Variants in ANKRD17 observed in about 807,000 individuals in gnomAD.
ANKRD17 encodes the protein ankyrin repeat domain-containing protein 17.
A neutral mutation model predicts 229.7 loss-of-function variants in ANKRD17; 19 were observed. The observed-to-expected ratio is 0.08, with a 90% CI of 0.06 to 0.12. ANKRD17 has a LOEUF of 0.12. Ranked by LOEUF, ANKRD17 falls within the 10% of genes least tolerant of loss-of-function variation. The pLI is 1.00. For synonymous variants in ANKRD17, 1,112 were observed against 1,146.1 expected, an observed-to-expected ratio of 0.97 and a Z score of 0.60; for missense variants, 2,176 against 3,176.8, an observed-to-expected ratio of 0.68 and a Z score of 7.57.
At chr4:73,104,624 T>C (rs904140544) in intron 24 of ANKRD17, among the ~76,000 whole-genome samples, 4 of 152,150 alleles carry the variant, frequency 2.6e-5, no homozygotes, top group African/African-American at 9.7e-5. Flanking sequence ...AAGGAATGCT[T>C]TGGGGGAGAA....
In ANKRD17 at chr4:73,170,542, C is replaced by G. The variant is rs113471053; in HGVS notation, c.547+6838G>C. On this transcript the variant is annotated intron_variant, in intron 2 of 33. Transcript: ENST00000358602. ...TGACAGCACAGTTGGGGTCGGGGGG[C>G]GGGGGGCTGTTAAGTAGAAAGTGGA... Among the ~76,000 whole-genome samples, 278 of 136,640 alleles carry G rather than the reference C, an allele frequency of 2.0e-3. 2 individuals are homozygous for G. The highest frequency in any genetic ancestry group is 0.018 in the South Asian group (72 of 4,096). The allele number at this position is 136,640 out of a possible 152,430, so 89.6% of individuals were successfully genotyped here.
intron 2 of ANKRD17, among the ~76,000 whole-genome samples, chr4:73,163,714 G>A (rs1014293544): frequency 2.6e-5 from 4 of 152,190 alleles, no homozygotes; most frequent in African/African-American, 9.7e-5. Context: ...GGGTAAGCAT[G>A]CTTTATAGCG....
chr4:73,191,964 C>T (rs1016656160), intron 1 of ANKRD17, among the ~76,000 whole-genome samples: 1 of 151,960 alleles, frequency 6.6e-6, no homozygotes, highest in African/African-American at 2.4e-5. Context: ...CTATAAATAA[C>T]CCATATATCC....
chr4:73,150,804 A>G (rs1730907289), intron 7 of ANKRD17, among the ~76,000 whole-genome samples: 1 of 152,156 alleles, frequency 6.6e-6, no homozygotes, highest in Non-Finnish European at 1.5e-5. Context: ...CAAAGATACA[A>G]AGGTTTAAGA....
chr4:73,199,221 C>CTGTGTGTGTG lies in ANKRD17; in HGVS notation c.394-21698_394-21689dup, dbSNP rs10577503. On this transcript the variant is annotated intron_variant, in intron 1 of 33. Transcript: ENST00000358602. The stretch of plus-strand genomic sequence containing the variant: ...CAGGCTGCGAAAACATACAGTTTGG[C>CTGTGTGTGTG]TGTGTGTGTGTGTGTGTGTGTGTGT... 7.1e-5 allele frequency among the ~76,000 whole-genome samples: 10 copies of CTGTGTGTGTG among 140,472 alleles called. No homozygotes were observed. In the East Asian group the frequency reaches 1.3e-3, roughly 18 times the overall value. The allele number at this position is 140,472 out of a possible 152,430, so 92.2% of individuals were successfully genotyped here. A position where few individuals can be genotyped will look rare whatever the true frequency, so the allele number is the denominator to read the frequency against.
At chr4:73,080,042 G>T (rs915318528) in intron 30 of ANKRD17, among the ~76,000 whole-genome samples, 1 of 152,118 alleles carries the variant, frequency 6.6e-6, no homozygotes, top group African/African-American at 2.4e-5. Context: ...GGAGGCGGAG[G>T]ATGCAGTGAG....
intron 1 of ANKRD17, among the ~76,000 whole-genome samples, chr4:73,223,497 T>C (rs1742125689): frequency 1.3e-5 from 2 of 152,170 alleles, no homozygotes; most frequent in Non-Finnish European, 2.9e-5. Context: ...ATTTGCTACA[T>C]CAGGCAAATG....
At chr4:73,191,603 G>C (rs952487513) in intron 1 of ANKRD17, among the ~76,000 whole-genome samples, 1 of 151,596 alleles carries the variant, frequency 6.6e-6, no homozygotes, top group South Asian at 2.1e-4. Context: ...TGACAGGCTA[G>C]GAGAAAATAT....
At chr4:73,109,013 T>C (rs758210048) in intron 24 of ANKRD17, among the ~76,000 whole-genome samples, 1 of 152,140 alleles carries the variant, frequency 6.6e-6, no homozygotes, top group African/African-American at 2.4e-5. Flanking sequence ...CAAAAATTTA[T>C]CTAGGCTGGG....
chr4:73,242,539 T>G (rs1048236014), intron 1 of ANKRD17, among the ~76,000 whole-genome samples: 1 of 152,158 alleles, frequency 6.6e-6, no homozygotes, highest in Admixed American at 6.5e-5. Context: ...TCTCCAAAAT[T>G]AACACAAATT....
intron 2 of ANKRD17, among the ~76,000 whole-genome samples, chr4:73,175,070 C>T (rs1734548938): frequency 6.6e-6 from 1 of 152,084 alleles, no homozygotes; most frequent in Non-Finnish European, 1.5e-5. Context: ...GTAGAAAAAG[C>T]AATCTATATT....
chr4:73,197,940 T>G (rs894202906), intron 1 of ANKRD17, among the ~76,000 whole-genome samples: 1 of 152,224 alleles, frequency 6.6e-6, no homozygotes, highest in Admixed American at 6.5e-5. Flanking sequence ...TTAGTATACT[T>G]TATATTCAGT....
chr4:73,199,298 A>G (rs943862812), intron 1 of ANKRD17, among the ~76,000 whole-genome samples: 6 of 151,844 alleles, frequency 4.0e-5, no homozygotes, highest in Non-Finnish European at 8.8e-5. Context: ...GTAAAAGAAC[A>G]AAAAAGGAGG....
intron 3 of ANKRD17, 86 bp downstream of exon 3, chr4:73,161,106 C>T (rs1430061180): frequency 3.3e-6 from 5 of 1,506,590 alleles, no homozygotes; most frequent in Non-Finnish European, 4.5e-6. Flanking sequence ...CAGCCAGGCA[C>T]AAAATAAATG....
Position 73,185,577 on chromosome 4 carries a change from A to C in ANKRD17, c.394-8044T>G, listed in dbSNP as rs533776742. Among the ~76,000 whole-genome samples, 3 of 152,194 alleles carry C rather than the reference A, an allele frequency of 2.0e-5. No homozygotes were observed. In the South Asian group the frequency reaches 6.2e-4, roughly 31 times the overall value. On this transcript the variant is annotated intron_variant, in intron 1 of 33. Transcript: ENST00000358602. ...TCCAAAAAGATTTTATATTTTTTCT[A>C]AATTTTTCTTTTAGTAAGTGTCAAT...
At chr4:73,098,604 C>T in intron 25 of ANKRD17, 84 bp from the exon 26 acceptor site, 1 of 1,281,506 alleles carries the variant, frequency 7.8e-7, no homozygotes, top group African/African-American at 1.5e-5. Context: ...AAAAGAAAAA[C>T]CCAGGAGAGA....
intron 33 of ANKRD17, 147 bp downstream of exon 33, chr4:73,076,793 C>T (rs891856814): frequency 1.1e-5 from 11 of 959,966 alleles, no homozygotes; most frequent in Middle Eastern, 7.0e-4. Flanking sequence ...CTGCCCACAG[C>T]CCTCTGCTAT....
In ANKRD17 at chr4:73,258,269, C is replaced by G. The variant is rs1307581072; in HGVS notation, c.393+7G>C. On this transcript the variant is annotated splice_region_variant and intron_variant, in intron 1 of 33. Coordinates refer to ENST00000358602, the MANE Select transcript of ANKRD17 (RefSeq NM_032217.5). ...CCTCCCTCCTTCCTTTGAAACCAGG[C>G]CCTTGCCTCAGAAACCTCCTCTTCC... The G allele has an allele frequency of 1.9e-6, 3 of 1,613,788 alleles. No homozygotes were observed. Among genetic ancestry groups the G allele is most frequent in the Non-Finnish European group, 2.5e-6 (3 of 1,179,998 alleles).
chr4:73,176,612 A>T (rs1188188478), intron 2 of ANKRD17, among the ~76,000 whole-genome samples: 2 of 152,134 alleles, frequency 1.3e-5, no homozygotes, highest in African/African-American at 4.8e-5. Context: ...ATCAAAAAAA[A>T]AAAGTTAGAA....
Sources: gnomAD v4.1 joint callset for allele counts (sites outside exome capture counted in the v4.1 genomes callset) on GRCh38, gnomAD v4.1.1 for gene constraint, MANE v1.5 for transcripts, NCBI Gene and HGNC (gene_info 2026-07-23, HGNC 2026-07-21) for gene names.